Variants in MBD5 observed in about 807,000 individuals in gnomAD.
The protein encoded by MBD5 is methyl-CpG-binding domain protein 5.
In MBD5, 13 loss-of-function variants were observed where a neutral mutation model predicts 117.3. The ratio of observed to expected loss-of-function variants is 0.11; its 90% CI spans 0.07 to 0.18. The LOEUF (loss-of-function observed/expected upper bound fraction) is 0.18. Ranked by LOEUF, MBD5 falls within the 10% of genes least tolerant of loss-of-function variation. The pLI is 1.00. For missense variants in MBD5, 1,879 were observed against 2,093.8 expected, an observed-to-expected ratio of 0.90 and a Z score of 2.00; for synonymous variants, 727 against 766.4, an observed-to-expected ratio of 0.95 and a Z score of 0.85.
At chr2:148,225,322 A>C (rs922731300) in intron 2 of MBD5, among the ~76,000 whole-genome samples, 2 of 152,156 alleles carry the variant, frequency 1.3e-5, no homozygotes, top group African/African-American at 4.8e-5. Context: ...CAAACAAAAA[A>C]CTAATAAACA....
At chr2:148,375,277 C>T (rs1703960263) in intron 4 of MBD5, among the ~76,000 whole-genome samples, 1 of 152,184 alleles carries the variant, frequency 6.6e-6, no homozygotes, top group Non-Finnish European at 1.5e-5. Context: ...ACATAATCCT[C>T]ACTGACCAGT....
At chr2:148,311,298 T>A (rs1017076466) in intron 3 of MBD5, among the ~76,000 whole-genome samples, 1 of 152,164 alleles carries the variant, frequency 6.6e-6, no homozygotes, top group Non-Finnish European at 1.5e-5. Context: ...TTTGTAGGTC[T>A]CTAAGAACTT....
chr2:148,094,555 C>G (rs1369655225), intron 1 of MBD5, among the ~76,000 whole-genome samples: 1 of 151,950 alleles, frequency 6.6e-6, no homozygotes, highest in Non-Finnish European at 1.5e-5. Flanking sequence ...TCATAGGTAC[C>G]CTTTAAGTAG....
At chr2:148,036,514 G>A (rs1016020191) in intron 1 of MBD5, among the ~76,000 whole-genome samples, 1 of 152,032 alleles carries the variant, frequency 6.6e-6, no homozygotes, top group African/African-American at 2.4e-5. Context: ...GATTTAAATG[G>A]GTGTAGACAA....
At chr2:148,453,232 C>T (rs922886436) in intron 4 of MBD5, among the ~76,000 whole-genome samples, 1 of 152,012 alleles carries the variant, frequency 6.6e-6, no homozygotes, top group East Asian at 1.9e-4. Flanking sequence ...GTCATTTTGA[C>T]GAGATGATGT....
At chr2:148,204,380 A>G (rs1699222689) in intron 2 of MBD5, among the ~76,000 whole-genome samples, 4 of 152,234 alleles carry the variant, frequency 2.6e-5, no homozygotes, top group African/African-American at 9.6e-5. Context: ...AGACTGAGAC[A>G]GAGAAAGACA....
At chr2:148,151,129 T>G (rs1278276919) in intron 1 of MBD5, among the ~76,000 whole-genome samples, 1 of 150,344 alleles carries the variant, frequency 6.7e-6, no homozygotes, top group Non-Finnish European at 1.5e-5. Flanking sequence ...AATACCTAAT[T>G]TATTGAGAGT....
chr2:148,484,044 T>C lies in MBD5; in HGVS notation c.3453T>C (p.Asn1151=). ...SMAETLLNIS[N]NAGNTPGPAK... is the part of the protein sequence containing the mutation. ...CAGAAACATTGCTGAATATATCTAA[T>C]AATGCTGGGAATACACCTGGTCCAG... Residue 1151 remains asparagine, a synonymous_variant, in exon 9 of 14, where the codon AAT becomes AAC. Coordinates refer to ENST00000642680, the MANE Select transcript of MBD5 (RefSeq NM_001378120.1). 2 of 1,550,328 alleles carry C rather than the reference T, an allele frequency of 1.3e-6. No individual in the cohort carries two copies. The highest frequency in any genetic ancestry group is 1.7e-6 in the Non-Finnish European group (2 of 1,146,840).
chr2:148,509,696 G>A (rs1429716724), intron 12 of MBD5, among the ~76,000 whole-genome samples: 1 of 152,198 alleles, frequency 6.6e-6, no homozygotes, highest in Non-Finnish European at 1.5e-5. Context: ...GACTGAGAAA[G>A]AAACAAGAAG....
intron 1 of MBD5, among the ~76,000 whole-genome samples, chr2:148,063,847 T>G (rs767240940): frequency 1.1e-4 from 16 of 152,106 alleles, no homozygotes; most frequent in Non-Finnish European, 2.4e-4. Flanking sequence ...TATTTAATAA[T>G]CCTATTCTTG....
At chr2:148,022,846 T>C (rs1234117685) in intron 1 of MBD5, among the ~76,000 whole-genome samples, 1 of 152,196 alleles carries the variant, frequency 6.6e-6, no homozygotes, top group Non-Finnish European at 1.5e-5. Context: ...GGAATAACAA[T>C]ATTGATAAAA....
chr2:148,512,981 A>G lies in MBD5; in HGVS notation c.*40A>G, dbSNP rs1410841041. The G allele has an allele frequency of 1.9e-6, 3 of 1,546,596 alleles. No individual in the cohort carries two copies. The highest frequency in any genetic ancestry group is 3.3e-5 in the Admixed American group (2 of 59,938). The stretch of plus-strand genomic sequence containing the variant: ...CTAATGCGCAGTGTTTATTAAAGGA[A>G]CATGCACAGATGTATCTGTATATAG... On this transcript the variant is annotated 3_prime_UTR_variant, in exon 14 of 14. Transcript: ENST00000642680.
At chr2:148,180,167 T>C (rs1182736313) in intron 2 of MBD5, among the ~76,000 whole-genome samples, 2 of 151,524 alleles carry the variant, frequency 1.3e-5, no homozygotes, top group Non-Finnish European at 2.9e-5. Flanking sequence ...TGACTTCTCT[T>C]GAAAACATAA....
chr2:148,334,558 T>C (rs1418807218), intron 3 of MBD5, among the ~76,000 whole-genome samples: 1 of 152,130 alleles, frequency 6.6e-6, no homozygotes, highest in Non-Finnish European at 1.5e-5. Flanking sequence ...GACCTCAAGC[T>C]CCTGGTCTCA....
Position 148,021,407 on chromosome 2 carries a change from G to C in MBD5, c.-1202G>C. ...ACCCTCCTCCTCTTTGGCCGTGAGA[G>C]GAGGAGAGAAAGAAACCAAAAGCCT... On this transcript the variant is annotated 5_prime_UTR_variant, in exon 1 of 14. Transcript: ENST00000642680. 1 of 523,140 alleles carries C rather than the reference G, an allele frequency of 1.9e-6. No individual in the cohort carries two copies. The highest frequency in any genetic ancestry group is 3.7e-6 in the Non-Finnish European group (1 of 268,638). 32.4% of individuals were successfully genotyped at this position (523,140 alleles called of 1,614,324 possible).
chr2:148,189,198 T>C lies in MBD5; in HGVS notation c.-831+10405T>C, dbSNP rs369857476. Among the ~76,000 whole-genome samples the C allele has an allele frequency of 3.1e-3, 447 of 145,972 alleles. 1 individual carries two copies. Among genetic ancestry groups the C allele is most frequent in the African/African-American group, 0.011 (416 of 37,334 alleles). On this transcript the variant is annotated intron_variant, in intron 2 of 13. Coordinates refer to ENST00000642680, the MANE Select transcript of MBD5 (RefSeq NM_001378120.1). Reference sequence around the variant, plus strand: ...CTGGGGGAGGGGCGCCCGCCATTGCTCAGGCTTGCTTAGGTAAACAAAGCA... The same window carrying C: ...CTGGGGGAGGGGCGCCCGCCATTGCCCAGGCTTGCTTAGGTAAACAAAGCA...
intron 1 of MBD5, among the ~76,000 whole-genome samples, chr2:148,100,585 G>A (rs1307464647): frequency 2.0e-5 from 3 of 152,162 alleles, no homozygotes; most frequent in African/African-American, 7.2e-5. Context: ...GAAATAATCT[G>A]CAACATTGTT....
At chr2:148,063,608 G>A (rs1258164913) in intron 1 of MBD5, among the ~76,000 whole-genome samples, 5 of 151,752 alleles carry the variant, frequency 3.3e-5, no homozygotes, top group African/African-American at 1.2e-4. Context: ...TGACTCCTGT[G>A]CTACACATAT....
chr2:148,370,741 A>T (rs1460197795), intron 4 of MBD5, among the ~76,000 whole-genome samples: 1 of 152,194 alleles, frequency 6.6e-6, no homozygotes, highest in African/African-American at 2.4e-5. Flanking sequence ...AGCCTGCCTC[A>T]GCCTCCCAGA....
Sources: gnomAD v4.1 joint callset for allele counts (sites outside exome capture counted in the v4.1 genomes callset) on GRCh38, gnomAD v4.1.1 for gene constraint, MANE v1.5 for transcripts, NCBI Gene and HGNC (gene_info 2026-07-23, HGNC 2026-07-21) for gene names.